SLC67A1: variants seen among roughly 807,000 people sequenced by gnomAD.
The protein encoded by SLC67A1 is solute carrier family 67 member A1.
At chr11:2,901,332 T>C in the SLC67A1 span, among the ~76,000 whole-genome samples, 65 of 152,358 alleles carry the variant, frequency 4.3e-4, no homozygotes, top group African/African-American at 1.4e-3. Flanking sequence ...ACCAGGACTT[T>C]GGCCGGCTCT....
At chr11:2,909,089 T>A in the SLC67A1 span, 6 of 1,049,874 alleles carry the variant, frequency 5.7e-6, no homozygotes, top group Non-Finnish European at 7.8e-6. Flanking sequence ...TCCATCCCCA[T>A]CCCGCACTCC....
At chr11:2,908,375 G>T in the SLC67A1 span, 1 of 1,450,992 alleles carries the variant, frequency 6.9e-7, no homozygotes. Context: ...AGTGACCCAG[G>T]CCCCCTCTCA....
At chr11:2,918,064 C>T in the SLC67A1 span, 1 of 1,613,694 alleles carries the variant, frequency 6.2e-7, no homozygotes, top group East Asian at 2.2e-5. Context: ...CGAGGATCTT[C>T]CTGGTGAAGG....
At chr11:2,918,453 C>T in the SLC67A1 span, among the ~76,000 whole-genome samples, 1 of 152,254 alleles carries the variant, frequency 6.6e-6, no homozygotes, top group Non-Finnish European at 1.5e-5. Flanking sequence ...AGCATGCTGG[C>T]CCTGGGCCCT....
At chr11:2,909,341 A>G in the SLC67A1 span, 1 of 1,520,042 alleles carries the variant, frequency 6.6e-7, no homozygotes. Flanking sequence ...CGGAGCGCTC[A>G]TGCACACGCT....
the SLC67A1 span, chr11:2,917,045 A>ACAGGGAAGGTGCTAG: frequency 5.1e-6 from 2 of 389,332 alleles, no homozygotes; most frequent in Non-Finnish European, 4.8e-6. Flanking sequence ...GGAGGCCCAG[A>ACAGGGAAGGTGCTAG]GAGGCCTGGG....
the SLC67A1 span, among the ~76,000 whole-genome samples, chr11:2,913,197 C>G: frequency 6.6e-6 from 1 of 152,182 alleles, no homozygotes; most frequent in Non-Finnish European, 1.5e-5. Context: ...CCGCCGCCCC[C>G]CCAGCCAGGT....
At chr11:2,922,060 G>A in the SLC67A1 span, 5,417 of 1,464,336 alleles carry the variant, frequency 3.7e-3, 16 homozygotes, top group Non-Finnish European at 4.3e-3. Flanking sequence ...CCCCTCCCTC[G>A]CCTCCCCCAT....
chr11:2,915,132 A>G, the SLC67A1 span: 1 of 985,238 alleles, frequency 1.0e-6, no homozygotes, highest in East Asian at 1.1e-4. Flanking sequence ...ATGTGAGCTT[A>G]GGGGTCCCAC....
the SLC67A1 span, chr11:2,917,989 C>A: frequency 1.2e-6 from 2 of 1,610,080 alleles, no homozygotes; most frequent in Middle Eastern, 1.6e-4. Flanking sequence ...CCGTGCCAGG[C>A]GGCCCCCGGG....
the SLC67A1 span, among the ~76,000 whole-genome samples, chr11:2,904,840 G>A: frequency 4.6e-5 from 7 of 152,358 alleles, no homozygotes; most frequent in African/African-American, 1.7e-4. Context: ...GGGCAGTGGA[G>A]AGAGCAGAGT....
chr11:2,917,934 G>A, the SLC67A1 span: 14 of 1,414,454 alleles, frequency 9.9e-6, no homozygotes, highest in Admixed American at 2.6e-4. Flanking sequence ...GCCGGGCGAG[G>A]GGTGGGCATT....
the SLC67A1 span, among the ~76,000 whole-genome samples, chr11:2,907,663 C>T: frequency 2.0e-5 from 3 of 152,160 alleles, no homozygotes; most frequent in South Asian, 2.1e-4. The surrounding 1 kb of genome is among the most constrained non-coding windows in gnomAD (Gnocchi z 6.7). Context: ...GAAGGAGAGT[C>T]GGGAACTCAG....
chr11:2,919,305 A>G, the SLC67A1 span: 2 of 1,612,324 alleles, frequency 1.2e-6, no homozygotes, highest in African/African-American at 2.7e-5. Context: ...GCCCCGGCTC[A>G]GGGCTCTTCA....
chr11:2,917,169 C>T, the SLC67A1 span: 2 of 204,838 alleles, frequency 9.8e-6, no homozygotes, highest in Non-Finnish European at 1.1e-5. Context: ...TGGTGGAGGG[C>T]AGAGGATGGT....
chr11:2,918,001 C>T, the SLC67A1 span: 3 of 1,613,146 alleles, frequency 1.9e-6, no homozygotes, highest in Non-Finnish European at 1.7e-6. Context: ...GCCCCCGGGC[C>T]AGTGTGTTCG....
chr11:2,919,519 A>G, the SLC67A1 span: 3 of 754,540 alleles, frequency 4.0e-6, no homozygotes, highest in East Asian at 2.6e-5. Flanking sequence ...TTGGCCTCCC[A>G]TCTGGCACAT....
the SLC67A1 span, chr11:2,925,183 G>A: frequency 1.9e-6 from 3 of 1,613,094 alleles, no homozygotes; most frequent in African/African-American, 2.7e-5. The surrounding 1 kb of genome is among the most constrained non-coding windows in gnomAD (Gnocchi z 6.5). Context: ...CCAGAGGAAG[G>A]ACAAAGTCCG....
At chr11:2,915,193 C>G in the SLC67A1 span, 8 of 985,232 alleles carry the variant, frequency 8.1e-6, no homozygotes, top group Non-Finnish European at 1.2e-6. Flanking sequence ...TCAGAGGTGG[C>G]CCCACTGACT....
Sources: allele counts gnomAD v4.1 joint callset (sites outside exome capture counted in the v4.1 genomes callset), GRCh38; gene constraint gnomAD v4.1.1; non-coding constraint Gnocchi (gnomAD v3.1); transcripts MANE v1.5; gene names NCBI Gene and HGNC (gene_info 2026-07-23, HGNC 2026-07-21).